TTC34: variants seen among roughly 807,000 people sequenced by gnomAD.
The protein encoded by TTC34 is tetratricopeptide repeat protein 34.
A neutral mutation model predicts 40.7 loss-of-function variants in TTC34; 44 were observed. That is an observed-to-expected ratio of 1.08 (90% confidence interval 0.85 to 1.39). TTC34 has a LOEUF of 1.39. Among genes scored for constraint, TTC34 ranks in the 40% most tolerant of loss-of-function variants. The probability of loss-of-function intolerance (pLI) is 0.00; values close to 1 mark genes in which losing one functional copy is unlikely to be tolerated. For missense variants in TTC34, 884 were observed against 838.0 expected, an observed-to-expected ratio of 1.05 and a Z score of -0.68; for synonymous variants, 422 against 398.6, an observed-to-expected ratio of 1.06 and a Z score of -0.70.
intron 6 of TTC34, among the ~76,000 whole-genome samples, chr1:2,654,052 C>A (rs78071201): frequency 0.015 from 1,068 of 70,350 alleles, no homozygotes; most frequent in Middle Eastern, 0.1. Flanking sequence ...GCCCACACCA[C>A]CAGGTGAGCA....
chr1:2,651,797 C>T (rs899309642), intron 6 of TTC34, among the ~76,000 whole-genome samples: 3 of 151,734 alleles, frequency 2.0e-5, no homozygotes, highest in African/African-American at 7.3e-5. Flanking sequence ...CGGAAAAACA[C>T]CCTCCACCAC....
intron 6 of TTC34, among the ~76,000 whole-genome samples, chr1:2,753,656 ACCCCAGGTGAGCATCTGAGAGCCTGG>A: frequency 1.1e-5 from 1 of 87,828 alleles, no homozygotes; most frequent in Non-Finnish European, 2.1e-5. Context: ...CAGCACCCAC[ACCCCAGGTGAGCATCTGAGAGCCTGG>A]AACAGCACCC....
intron 6 of TTC34, among the ~76,000 whole-genome samples, chr1:2,674,674 C>A (rs1639827359): frequency 1.3e-5 from 1 of 77,108 alleles, no homozygotes; most frequent in African/African-American, 5.0e-5. Context: ...GGAGCAGCAC[C>A]CACACCCCCA....
At chr1:2,751,690 C>CTT (rs1641325799) in intron 6 of TTC34, among the ~76,000 whole-genome samples, 1 of 145,698 alleles carries the variant, frequency 6.9e-6, no homozygotes, top group Admixed American at 6.8e-5. Context: ...ACCCACAACC[C>CTT]CAAGCGAGCA....
chr1:2,798,480 TCTTAGCCCCTTAGCTC>T, intron 2 of TTC34, among the ~76,000 whole-genome samples: 1 of 57,672 alleles, frequency 1.7e-5, no homozygotes, highest in Non-Finnish European at 3.2e-5. Flanking sequence ...CCTCTCAGCC[TCTTAGCCCCTTAGCTC>T]CCCAGCCTCT....
chr1:2,680,213 A>AC (rs2100308228), intron 6 of TTC34, among the ~76,000 whole-genome samples: 1 of 114,070 alleles, frequency 8.8e-6, no homozygotes, highest in Non-Finnish European at 2.1e-5. Flanking sequence ...CCGGAGCAGC[A>AC]CCAGTACCCC....
At chr1:2,801,102 C>A (rs2100640022) in intron 1 of TTC34, among the ~76,000 whole-genome samples, 1 of 152,236 alleles carries the variant, frequency 6.6e-6, no homozygotes, top group South Asian at 2.1e-4. Context: ...TCGTGCCTTG[C>A]AGAATGGGAC....
intron 6 of TTC34, 118 bp downstream of exon 6, chr1:2,783,491 G>T: frequency 9.5e-7 from 1 of 1,050,438 alleles, no homozygotes; most frequent in Non-Finnish European, 1.2e-6. Flanking sequence ...GGTTTTGATG[G>T]GCATCTCACT....
chr1:2,695,793 C>A (rs1404853268), intron 6 of TTC34, among the ~76,000 whole-genome samples: 206 of 137,706 alleles, frequency 1.5e-3, no homozygotes, highest in African/African-American at 3.0e-3. Flanking sequence ...GCAGCACGCA[C>A]ACCCCCAGTT....
chr1:2,797,437 C>T (rs1314731093), intron 2 of TTC34, among the ~76,000 whole-genome samples: 3 of 152,244 alleles, frequency 2.0e-5, no homozygotes, highest in East Asian at 3.9e-4. Flanking sequence ...TGACTTTCAA[C>T]CTCTCATTTG....
At chr1:2,658,105 T>C (rs1382823801) in intron 6 of TTC34, among the ~76,000 whole-genome samples, 15 of 110,172 alleles carry the variant, frequency 1.4e-4, no homozygotes, top group East Asian at 2.4e-4. Context: ...TGACCACACC[T>C]CCCGGTGAGC....
intron 6 of TTC34, among the ~76,000 whole-genome samples, chr1:2,768,330 C>T (rs1248577001): frequency 2.0e-5 from 3 of 152,104 alleles, no homozygotes; most frequent in Non-Finnish European, 2.9e-5. Context: ...GGTGGTGTTC[C>T]GGGTTATCAG....
At chr1:2,798,883 C>A (rs1643741226) in intron 2 of TTC34, among the ~76,000 whole-genome samples, 2 of 111,270 alleles carry the variant, frequency 1.8e-5, no homozygotes, top group African/African-American at 4.0e-5. Flanking sequence ...CCAAGCCTCC[C>A]AGCCCCCCAG....
At chr1:2,694,599 G>C (rs549473327) in intron 6 of TTC34, among the ~76,000 whole-genome samples, 1 of 89,870 alleles carries the variant, frequency 1.1e-5, no homozygotes, top group African/African-American at 4.0e-5. Context: ...ACCCACAGGC[G>C]AGCATCTGAA....
chr1:2,648,633 G>A (rs1639065691), intron 6 of TTC34, among the ~76,000 whole-genome samples: 1 of 151,312 alleles, frequency 6.6e-6, no homozygotes, highest in Admixed American at 6.6e-5. Flanking sequence ...CACACCCCAG[G>A]GGAGCATCTT....
chr1:2,765,728 A>C (rs1641768961), intron 6 of TTC34, among the ~76,000 whole-genome samples: 1 of 48,964 alleles, frequency 2.0e-5, no homozygotes, highest in Non-Finnish European at 3.3e-5. Flanking sequence ...CCAGGCGAGC[A>C]TCTGACAGCC....
chr1:2,699,657 A>C (rs1425682748), intron 6 of TTC34, among the ~76,000 whole-genome samples: 29 of 21,836 alleles, frequency 1.3e-3, no homozygotes, highest in South Asian at 4.3e-3. Flanking sequence ...CCCAAACCCC[A>C]AGGTGAGCAT....
At chr1:2,754,905 G>C (rs1297647723) in intron 6 of TTC34, among the ~76,000 whole-genome samples, 1 of 77,096 alleles carries the variant, frequency 1.3e-5, no homozygotes, top group East Asian at 4.1e-4. Flanking sequence ...TGCACCCCCA[G>C]GGGAGCATCT....
chr1:2,646,601 G>C (rs1015497873), intron 6 of TTC34, among the ~76,000 whole-genome samples: 1 of 152,166 alleles, frequency 6.6e-6, no homozygotes, highest in African/African-American at 2.4e-5. Context: ...GCCCAGGCTG[G>C]TATGGAACTT....
Sources: allele counts gnomAD v4.1 joint callset (sites outside exome capture counted in the v4.1 genomes callset), GRCh38; gene constraint gnomAD v4.1.1; transcripts MANE v1.5; gene names NCBI Gene and HGNC (gene_info 2026-07-23, HGNC 2026-07-21).